Variants in C17orf99 observed in about 807,000 individuals in gnomAD.
C17orf99 encodes the protein chromosome 17 open reading frame 99.
A neutral mutation model predicts 22.6 loss-of-function variants in C17orf99; 18 were observed. The ratio of observed to expected loss-of-function variants is 0.80; its 90% confidence interval spans 0.55 to 1.18. The LOEUF is 1.18. Ranked by LOEUF, C17orf99 falls within the 50% of genes most tolerant of loss-of-function variation. C17orf99 has a pLI of 0.00. For synonymous variants in C17orf99, 147 were observed against 136.6 expected, an observed-to-expected ratio of 1.08 and a Z score of -0.53; for missense variants, 328 against 342.7, an observed-to-expected ratio of 0.96 and a Z score of 0.34.
intron 2 of C17orf99, chr17:78,158,192 A>C: frequency 1.4e-6 from 1 of 716,266 alleles, no homozygotes; most frequent in Middle Eastern, 3.2e-4. Flanking sequence ...TGCTGCAATC[A>C]AGGCTCCCAG....
intron 2 of C17orf99, chr17:78,160,721 T>G: frequency 3.8e-6 from 2 of 524,474 alleles, no homozygotes; most frequent in Non-Finnish European, 3.4e-6. Flanking sequence ...GTAGCAGGGA[T>G]TACAGGTGGG....
chr17:78,149,364 C>T (rs893550558), intron 2 of C17orf99, among the ~76,000 whole-genome samples: 28 of 135,270 alleles, frequency 2.1e-4, no homozygotes, highest in African/African-American at 6.7e-4. Flanking sequence ...AAAAAAAAGG[C>T]GCCAGTCCTT....
Position 78,147,433 on chromosome 17 carries a change from G to A in C17orf99, c.70+522G>A, listed in dbSNP as rs534531020. Among the ~76,000 whole-genome samples, 472 of 152,324 alleles carry A rather than the reference G, an allele frequency of 3.1e-3. 2 individuals are homozygous for A. The highest frequency in any genetic ancestry group is 0.011 in the African/African-American group (449 of 41,564). On this transcript the variant is annotated intron_variant, in intron 2 of 4. Coordinates refer to ENST00000340363, the MANE Select transcript of C17orf99 (RefSeq NM_001163075.2). ...TGCCTTCCTTATAGAGGCAGGTGGG[G>A]AGTGGAGAGTGTCTGGGACCCAGCT... is the stretch of plus-strand genomic sequence containing the variant.
intron 3 of C17orf99, 139 bp downstream of exon 3, chr17:78,161,393 C>A: frequency 1.4e-6 from 1 of 732,284 alleles, no homozygotes; most frequent in Non-Finnish European, 2.2e-6. Flanking sequence ...CAGGCTGCCA[C>A]CTCCAAGGCC....
intron 4 of C17orf99, chr17:78,164,641 T>C (rs1197335330): frequency 6.1e-6 from 9 of 1,480,624 alleles, no homozygotes. Context: ...TCCAGGATGC[T>C]GGGCTGGACC....
rs989490654 is a variant in C17orf99, at chr17:78,165,705, G to C, written c.641-184G>C. 4.5e-5 allele frequency: 45 copies of C among 1,004,928 alleles called. No homozygotes were observed. The East Asian group carries it at 1.7e-3, about 38-fold the overall frequency. The allele number at this position is 1,004,928 out of a possible 1,614,324, so 62.3% of individuals were successfully genotyped here. On this transcript the variant is annotated intron_variant, in intron 4 of 4. Coordinates refer to ENST00000340363, the MANE Select transcript of C17orf99 (RefSeq NM_001163075.2). ...TAGTCCCAGCTACTCGGGAGACTGA[G>C]GCAGGAGAATCACTTGAACCCAGGA...
At chr17:78,163,701 G>A (rs1301245713) in intron 3 of C17orf99, among the ~76,000 whole-genome samples, 1 of 152,030 alleles carries the variant, frequency 6.6e-6, no homozygotes, top group Non-Finnish European at 1.5e-5. Flanking sequence ...CCCCATCTCT[G>A]CAAAAAATAC....
intron 2 of C17orf99, among the ~76,000 whole-genome samples, chr17:78,149,799 T>C (rs1426283108): frequency 4.0e-5 from 6 of 151,694 alleles, no homozygotes; most frequent in Non-Finnish European, 7.4e-5. Context: ...AACCTCCACC[T>C]CCCAGGTTCA....
intron 2 of C17orf99, among the ~76,000 whole-genome samples, chr17:78,151,502 C>G (rs564891651): frequency 1.3e-5 from 2 of 151,152 alleles, no homozygotes; most frequent in Non-Finnish European, 3.0e-5. Context: ...AACACATTCT[C>G]TGACAGTGCT....
chr17:78,148,366 TA>T (rs2075452036), intron 2 of C17orf99, among the ~76,000 whole-genome samples: 2 of 151,942 alleles, frequency 1.3e-5, no homozygotes, highest in South Asian at 4.2e-4. Context: ...ATAAAGAAAA[TA>T]TTTTTTTAAA....
chr17:78,157,827 A>G, intron 2 of C17orf99: 4 of 781,522 alleles, frequency 5.1e-6, no homozygotes, highest in Admixed American at 4.8e-5. Context: ...AAAAAAAAGA[A>G]TGGCTTTGTG....
Position 78,146,980 on chromosome 17 carries a change from G to A in C17orf99, c.70+69G>A. Reference sequence around the variant, plus strand: ...ACCCTGGTGTCAGAACCCCCATGGTGGAGGGCGCCTCGGCTGGGAAGGGAG... The same window carrying A: ...ACCCTGGTGTCAGAACCCCCATGGTAGAGGGCGCCTCGGCTGGGAAGGGAG... On this transcript the variant is annotated intron_variant, in intron 2 of 4. Transcript: ENST00000340363. This position sits in a 1 kb window ranked among gnomAD's most constrained non-coding sequence, Gnocchi z 5.2. The A allele has an allele frequency of 7.2e-7, 1 of 1,397,562 alleles. No homozygotes were observed. Among genetic ancestry groups the A allele is most frequent in the Non-Finnish European group, 9.9e-7 (1 of 1,006,882 alleles). 86.6% of individuals were successfully genotyped at this position (1,397,562 alleles called of 1,614,324 possible).
chr17:78,159,599 A>AAG lies in C17orf99; in HGVS notation c.71-1355_71-1354insGA, dbSNP rs1405063098. 1.5e-4 allele frequency among the ~76,000 whole-genome samples: 23 copies of AAG among 151,818 alleles called. No individual in the cohort carries two copies. In the South Asian group the frequency reaches 4.4e-3, roughly 29 times the overall value. ...AGTGCAAGACTCTGTCTCAAAAAAAAAAAAAAGTGATAATTCAGCAGCATT... is the reference window on the plus strand; with the variant it reads ...AGTGCAAGACTCTGTCTCAAAAAAAAAGAAAAAAGTGATAATTCAGCAGCATT... On this transcript the variant is annotated intron_variant, in intron 2 of 4. Coordinates refer to ENST00000340363, the MANE Select transcript of C17orf99 (RefSeq NM_001163075.2).
upstream of C17orf99, among the ~76,000 whole-genome samples, chr17:78,145,880 C>T (rs191379191): frequency 6.1e-3 from 920 of 151,276 alleles, 8 homozygotes; most frequent in South Asian, 0.014. Context: ...ACTGCAACCT[C>T]CGCCTCCTGG....
At chr17:78,157,597 A>G (rs922365705) in intron 2 of C17orf99, 4 of 552,350 alleles carry the variant, frequency 7.2e-6, no homozygotes, top group Non-Finnish European at 1.2e-5. Flanking sequence ...AGGAGATCGA[A>G]ACCATCCTGG....
At position 78,166,120 on chromosome 17, in the gene C17orf99, C is replaced by A. The variant is rs1598956248; in HGVS notation, c.*74C>A. The A allele has an allele frequency of 1.2e-4, 33 of 274,050 alleles. No individual in the cohort carries two copies. The highest frequency in any genetic ancestry group is 1.9e-4 in the South Asian group (1 of 5,164). 17.0% of individuals were successfully genotyped at this position (274,050 alleles called of 1,614,324 possible). On this transcript the variant is annotated 3_prime_UTR_variant, in exon 5 of 5. Coordinates refer to ENST00000340363, the MANE Select transcript of C17orf99 (RefSeq NM_001163075.2). The stretch of plus-strand genomic sequence containing the variant: ...GCGTGCACTGTTCGTATTTGGAGTT[C>A]ATGCAAAATGAGTGTGTTTTAGCTG...
chr17:78,157,401 G>C lies in C17orf99; in HGVS notation c.71-3554G>C. ...CAGGGTTGAGTCAGTGAGTTCGTGC[G>C]AGTTGGAATCGAAGCCTCTTAAAAT... is the stretch of plus-strand genomic sequence containing the variant. On this transcript the variant is annotated intron_variant, in intron 2 of 4. Transcript: ENST00000340363. 3.2e-6 allele frequency: 4 copies of C among 1,256,816 alleles called. No homozygotes were observed. In the South Asian group the frequency reaches 4.8e-5, roughly 15 times the overall value. 77.9% of individuals were successfully genotyped at this position (1,256,816 alleles called of 1,614,324 possible). A position where few individuals can be genotyped will look rare whatever the true frequency, so the allele number is the denominator to read the frequency against.
In C17orf99 at chr17:78,146,715, C is replaced by T. The variant is rs1020993535; in HGVS notation, c.38-164C>T. Reference sequence around the variant, plus strand: ...AGAGGCGATGTTGTGGGGGGAGGGGCGCAAAAGAGCTTTTGTGAGTGATGG... The same window carrying T: ...AGAGGCGATGTTGTGGGGGGAGGGGTGCAAAAGAGCTTTTGTGAGTGATGG... On this transcript the variant is annotated intron_variant, in intron 1 of 4. Coordinates refer to ENST00000340363, the MANE Select transcript of C17orf99 (RefSeq NM_001163075.2). The surrounding 1 kb of genome is among the most constrained non-coding windows in gnomAD (Gnocchi z 5.2). 8.6e-6 allele frequency: 6 copies of T among 701,566 alleles called. No individual in the cohort carries two copies. Among genetic ancestry groups the T allele is most frequent in the East Asian group, 2.7e-5 (1 of 36,598 alleles). The allele number at this position is 701,566 out of a possible 1,614,324, so 43.5% of individuals were successfully genotyped here. A position where few individuals can be genotyped will look rare whatever the true frequency, so the allele number is the denominator to read the frequency against.
chr17:78,157,842 T>G, intron 2 of C17orf99: 3 of 719,588 alleles, frequency 4.2e-6, no homozygotes, highest in Non-Finnish European at 7.1e-6. Context: ...TTTGTGGTAC[T>G]CAAAGGCCGG....
Sources: gnomAD v4.1 joint callset for allele counts (sites outside exome capture counted in the v4.1 genomes callset) on GRCh38, gnomAD v4.1.1 for gene constraint, Gnocchi (gnomAD v3.1) non-coding constraint, MANE v1.5 for transcripts, NCBI Gene and HGNC (gene_info 2026-07-23, HGNC 2026-07-21) for gene names.